The following EP400 variants were observed in gnomAD, a reference collection of about 807,000 sequenced individuals.
The protein encoded by EP400 is E1A-binding protein p400.
A neutral mutation model predicts 354.1 loss-of-function variants in EP400; 105 were observed. That is an observed-to-expected ratio of 0.30 (90% confidence interval 0.25 to 0.35). The LOEUF (loss-of-function observed/expected upper bound fraction) is 0.35, where lower values mean the gene tolerates loss of function less well. Ranked by LOEUF, EP400 falls within the 10% of genes least tolerant of loss-of-function variation. The pLI is 1.00. For synonymous variants in EP400, 1,646 were observed against 1,716.9 expected, an observed-to-expected ratio of 0.96 and a Z score of 1.02; for missense variants, 3,280 against 4,121.0, an observed-to-expected ratio of 0.80 and a Z score of 5.59.
Position 132,025,744 on chromosome 12 carries a change from G to A in EP400, c.4954G>A (p.Gly1652Ser), listed in dbSNP as rs368164060. ...CGTGTCTCAGGCGGGCGCTGTGCAC[G>A]GCGCCCTGGGAAGCAAGCCCCCGGC... ...QTVSQAGAVH[G>S]ALGSKPPAGG... Residue 1652 changes from glycine (G) to serine (S), a missense_variant, in exon 25 of 53, where the codon GGC (glycine) becomes AGC (serine). Gly to Ser is a moderately conservative substitution (Grantham distance 56). Coordinates refer to ENST00000389561, the MANE Select transcript of EP400 (RefSeq NM_015409.5). This position sits in a 1 kb window ranked among gnomAD's most constrained non-coding sequence, Gnocchi z 4.1. 51 of 1,612,540 alleles carry A rather than the reference G, an allele frequency of 3.2e-5. No homozygotes were observed. The highest frequency in any genetic ancestry group is 4.1e-5 in the Non-Finnish European group (48 of 1,179,626).
rs1896278214 is a variant in EP400, at chr12:132,077,674, T to C, written c.*1T>C. The stretch of plus-strand genomic sequence containing the variant: ...ACCTACTAAGCCTCCGTGCCAGTAG[T>C]CAGGGCAGCAGGGCTGCCTCTCATC... On this transcript the variant is annotated 3_prime_UTR_variant, in exon 53 of 53. Coordinates refer to ENST00000389561, the MANE Select transcript of EP400 (RefSeq NM_015409.5). 6.2e-7 allele frequency: 1 copy of C among 1,601,086 alleles called. No homozygotes were observed. The highest frequency in any genetic ancestry group is 1.3e-5 in the African/African-American group (1 of 74,590).
At chr12:131,984,695 T>C (rs998149847) in intron 5 of EP400, among the ~76,000 whole-genome samples, 2 of 152,156 alleles carry the variant, frequency 1.3e-5, no homozygotes, top group African/African-American at 4.8e-5. Flanking sequence ...TGGTTTTATT[T>C]TATTTTATCT....
chr12:132,069,579 AC>A lies in EP400; in HGVS notation c.8961del (p.Thr2988HisfsTer66). 6.2e-7 allele frequency: 1 copy of A among 1,614,228 alleles called. No individual in the cohort carries two copies. The highest frequency in any genetic ancestry group is 1.1e-5 in the South Asian group (1 of 91,090). On this transcript the variant is annotated frameshift_variant, in exon 51 of 53. Coordinates refer to ENST00000389561, the MANE Select transcript of EP400 (RefSeq NM_015409.5). LOFTEE classifies it high-confidence loss of function. ...GCCGGCCCTTAAGACCCAGTTTCTT[AC>A]CACACCCATCTCCCAGGCCCAGAAA... ...AQPALKTQFL[T>X]TPISQAQKLA...
rs367821085 is a variant in EP400, at chr12:132,053,573, G to A, written c.7704G>A (p.Thr2568=). 2.9e-4 allele frequency: 449 copies of A among 1,564,150 alleles called. No homozygotes were observed. Among genetic ancestry groups the A allele is most frequent in the Admixed American group, 3.2e-4 (18 of 56,278 alleles). ...QAPAKAQPAI[T]TGGSAAVLAG... is the part of the protein sequence containing the mutation. Reference sequence around the variant, plus strand: ...CAGCGAAGGCGCAGCCCGCAATCACGACGGGGGGCAGTGCAGCCGTACTGG... The same window carrying A: ...CAGCGAAGGCGCAGCCCGCAATCACAACGGGGGGCAGTGCAGCCGTACTGG... The change falls in exon 43 of 53, where the codon ACG becomes ACA. Residue 2568 remains threonine (T), a synonymous_variant. Transcript: ENST00000389561.
At chr12:131,977,740 G>C (rs1728357252) in intron 2 of EP400, among the ~76,000 whole-genome samples, 1 of 151,808 alleles carries the variant, frequency 6.6e-6, no homozygotes, top group Non-Finnish European at 1.5e-5. Context: ...TTTCCATCTT[G>C]GTTAAATGTA....
rs1895338021 is a variant in EP400, at chr12:132,052,683, A to G, written c.7395-463A>G. On this transcript the variant is annotated intron_variant, in intron 41 of 52. Coordinates refer to ENST00000389561, the MANE Select transcript of EP400 (RefSeq NM_015409.5). The surrounding 1 kb of genome is among the most constrained non-coding windows in gnomAD (Gnocchi z 4.4). ...TGTCGATTAAATGAAGAGTTAATTC[A>G]CCCTACTAATATTTATGGACCGCGG... Among the ~76,000 whole-genome samples the G allele has an allele frequency of 6.6e-6, 1 of 150,556 alleles. No individual in the cohort carries two copies. Among genetic ancestry groups the G allele is most frequent in the East Asian group, 2.0e-4 (1 of 5,080 alleles).
chr12:132,006,129 G>C lies in EP400; in HGVS notation c.2953G>C (p.Gly985Arg), dbSNP rs758488570. The C allele has an allele frequency of 7.1e-5, 115 of 1,613,852 alleles. No homozygotes were observed. The East Asian group carries it at 2.5e-3, about 36-fold the overall frequency. Residue 985 changes from glycine to arginine, a missense_variant, in exon 14 of 53, where the codon GGC becomes CGC. Gly to Arg is a moderately radical substitution (Grantham distance 125). This residue lies in a region of EP400 where 800 missense variants were observed against 840.0 expected (regional missense o/e 0.95). Coordinates refer to ENST00000389561, the MANE Select transcript of EP400 (RefSeq NM_015409.5). ...CGTTACAGATGCAGATGACTGTCCAGGCGACAGGGAGAGTCGCAAGGACTT... is the reference window on the plus strand; with the variant it reads ...CGTTACAGATGCAGATGACTGTCCACGCGACAGGGAGAGTCGCAAGGACTT... ...SGEEDADDCP[G>R]DRESRKDLVL... is the part of the protein sequence containing the mutation.
At chr12:132,026,629 C>G (rs1894315074) in intron 25 of EP400, among the ~76,000 whole-genome samples, 1 of 152,194 alleles carries the variant, frequency 6.6e-6, no homozygotes, top group South Asian at 2.1e-4. Context: ...CCAGAACCAG[C>G]TGCTGCACCC....
intron 11 of EP400, among the ~76,000 whole-genome samples, chr12:131,993,000 C>T (rs76405392): frequency 0.017 from 2,592 of 152,312 alleles, 74 homozygotes; most frequent in African/African-American, 0.059. Context: ...TGGCATGAAA[C>T]TGGCAGTATT....
At chr12:132,071,003 G>A (rs180696277) in intron 51 of EP400, among the ~76,000 whole-genome samples, 3 of 152,204 alleles carry the variant, frequency 2.0e-5, no homozygotes, top group South Asian at 2.1e-4. Flanking sequence ...AAATCATGAC[G>A]ATCTACTTCT....
Position 132,018,198 on chromosome 12 carries a change from T to G in EP400, c.4111-12T>G. On this transcript the variant is annotated splice_polypyrimidine_tract_variant and intron_variant, in intron 20 of 52. Transcript: ENST00000389561. The surrounding 1 kb of genome is among the most constrained non-coding windows in gnomAD (Gnocchi z 4.0). ...CTTCATGCAGCAAGACTTTTTTTCT[T>G]TTTCTCTCTAGGAAGCAGATCTTTC... 6.2e-7 allele frequency: 1 copy of G among 1,605,098 alleles called. No homozygotes were observed. Among genetic ancestry groups the G allele is most frequent in the Non-Finnish European group, 8.5e-7 (1 of 1,177,968 alleles).
chr12:132,062,242 G>A lies in EP400; in HGVS notation c.8017G>A (p.Val2673Met). Residue 2673 changes from valine (V) to methionine (M), a missense_variant, in exon 46 of 53, where the codon GTG (valine) becomes ATG (methionine). Val to Met is a conservative substitution (Grantham distance 21). Transcript: ENST00000389561. ...TTQGVRAVTS[V>M]TASAVVTTNL... ...TCAGGGTGTTCGAGCGGTCACTTCT[G>A]TGACAGCCTCGGCCGTGGTCACTAC... The A allele has an allele frequency of 6.2e-7, 1 of 1,614,226 alleles. No homozygotes were observed. Among genetic ancestry groups the A allele is most frequent in the Non-Finnish European group, 8.5e-7 (1 of 1,180,048 alleles).
rs1894009069 is a variant in EP400, at chr12:132,018,216, G to A, written c.4117G>A (p.Asp1373Asn). 1 of 1,610,128 alleles carries A rather than the reference G, an allele frequency of 6.2e-7. No homozygotes were observed. Among genetic ancestry groups the A allele is most frequent in the Non-Finnish European group, 8.5e-7 (1 of 1,179,108 alleles). ...TTTTTCTTTTTCTCTCTAGGAAGCA[G>A]ATCTTTCTATGTTTGATCTCATCGG... ...ALERDFWKEA[D>N]LSMFDLIGLE... Residue 1373 changes from aspartate to asparagine, a missense_variant, in exon 21 of 53, where the codon GAT becomes AAT. This residue lies in a region of EP400 where 342 missense variants were observed against 342.7 expected (regional missense o/e 1.00). Coordinates refer to ENST00000389561, the MANE Select transcript of EP400 (RefSeq NM_015409.5). The surrounding 1 kb of genome is among the most constrained non-coding windows in gnomAD (Gnocchi z 4.0).
rs754244215 is a variant in EP400, at chr12:131,986,529, A to C, written c.1945A>C (p.Arg649=). ...SSLPQMVAST[R]LPVDPAPPCP... is the part of the protein sequence containing the mutation. ...GCCCTTACAGATGGTAGCATCGACA[A>C]GGCTCCCTGTGGACCCTGCCCCGCC... The change falls in exon 6 of 53, where the codon AGG becomes CGG. Residue 649 remains arginine, a synonymous_variant. Transcript: ENST00000389561. 8 of 1,605,462 alleles carry C rather than the reference A, an allele frequency of 5.0e-6. No individual in the cohort carries two copies. Among genetic ancestry groups the C allele is most frequent in the Non-Finnish European group, 6.0e-6 (7 of 1,174,922 alleles).
intron 51 of EP400, among the ~76,000 whole-genome samples, chr12:132,073,459 C>CTTTTTTTT (rs58724167): frequency 0.12 from 14,052 of 117,054 alleles, 2,028 homozygotes; most frequent in African/African-American, 0.29. Context: ...GTCCCTTTTC[C>CTTTTTTTT]TTTTTTTTTT....
At chr12:131,956,504 C>T (rs924965271) in intron 1 of EP400, among the ~76,000 whole-genome samples, 4 of 151,888 alleles carry the variant, frequency 2.6e-5, no homozygotes, top group Non-Finnish European at 4.4e-5. Context: ...TGTTTATGTA[C>T]AGTTTTTTAG....
At chr12:132,055,674 GGTGTAGGGGGGCGTGTGTGAA>G (rs1412997504) in intron 45 of EP400, among the ~76,000 whole-genome samples, 3 of 138,046 alleles carry the variant, frequency 2.2e-5, no homozygotes, top group African/African-American at 8.4e-5. Context: ...ATGTGTGTGA[GGTGTAGGGGGGCGTGTGTGAA>G]GTGTAGGGGT....
Position 132,043,353 on chromosome 12 carries a change from A to G in EP400, c.6257A>G (p.Gln2086Arg). ...YLEEDAQKSA[Q>R]EGVLGPHTDA... ...GAGGAGGATGCCCAGAAGTCCGCAC[A>G]GGAGGGGGTGCTGGGACCACACACT... is the stretch of plus-strand genomic sequence containing the variant. Residue 2086 changes from glutamine (Q) to arginine (R), a missense_variant, in exon 33 of 53, where the codon CAG (glutamine) becomes CGG (arginine). By Grantham distance (43) the Gln-to-Arg change is conservative (BLOSUM62 1). Around this residue, in one of 20 missense-constraint regions of EP400, gnomAD observed 54 missense variants for 41.3 expected, o/e 1.31. Transcript: ENST00000389561. The G allele has an allele frequency of 6.2e-7, 1 of 1,614,136 alleles. No individual in the cohort carries two copies. The highest frequency in any genetic ancestry group is 8.5e-7 in the Non-Finnish European group (1 of 1,180,030).
At chr12:132,071,858 A>C (rs971391605) in intron 51 of EP400, among the ~76,000 whole-genome samples, 1 of 152,178 alleles carries the variant, frequency 6.6e-6, no homozygotes, top group Non-Finnish European at 1.5e-5. Context: ...AAATACTATA[A>C]GTACTTTGTT....
Sources: allele counts gnomAD v4.1 joint callset (sites outside exome capture counted in the v4.1 genomes callset), GRCh38; gene constraint gnomAD v4.1.1; regional missense constraint gnomAD v4.1.1; non-coding constraint Gnocchi (gnomAD v3.1); transcripts MANE v1.5; gene names NCBI Gene and HGNC (gene_info 2026-07-23, HGNC 2026-07-21).